The following TANGO6 variants were observed in gnomAD, a reference collection of about 807,000 sequenced individuals.
TANGO6 encodes transport and golgi organization 6 homolog.
A neutral mutation model predicts 114.2 loss-of-function variants in TANGO6; 90 were observed. That is an observed-to-expected ratio of 0.79 (90% CI 0.66 to 0.94). TANGO6 has a LOEUF of 0.94. Ranked by LOEUF, TANGO6 falls within the 40% of genes least tolerant of loss-of-function variation. TANGO6 has a pLI of 0.00. For missense variants in TANGO6, 1,274 were observed against 1,315.3 expected (o/e 0.97, Z 0.49); for synonymous variants, 477 against 509.8 (o/e 0.94, Z 0.87).
At chr16:69,044,453 T>C (rs1393036768) in intron 17 of TANGO6, among the ~76,000 whole-genome samples, 2 of 152,074 alleles carry the variant, frequency 1.3e-5, no homozygotes, top group Non-Finnish European at 2.9e-5. Flanking sequence ...GATGGGGAGT[T>C]CATGCTTAGA....
intron 15 of TANGO6, among the ~76,000 whole-genome samples, chr16:68,993,134 A>G (rs1318022323): frequency 1.3e-5 from 2 of 152,232 alleles, no homozygotes; most frequent in Admixed American, 1.3e-4. Flanking sequence ...AATAGATTCA[A>G]GTGGATATTG....
chr16:68,973,277 C>A, intron 14 of TANGO6: 1 of 392,376 alleles, frequency 2.5e-6, no homozygotes, highest in Non-Finnish European at 5.0e-6. Context: ...TACTTTTTTT[C>A]TTTTTCGTCA....
intron 6 of TANGO6, among the ~76,000 whole-genome samples, chr16:68,879,077 AAATAAT>A (rs752822689): frequency 6.6e-6 from 1 of 151,958 alleles, no homozygotes; most frequent in Non-Finnish European, 1.5e-5. Flanking sequence ...CCCTTGCTCA[AAATAAT>A]AATAATAATA....
intron 16 of TANGO6, among the ~76,000 whole-genome samples, chr16:69,027,661 T>A (rs1286990426): frequency 6.6e-6 from 1 of 152,202 alleles, no homozygotes; most frequent in Non-Finnish European, 1.5e-5. Flanking sequence ...GGTCAGATAC[T>A]GAAATGATTC....
At chr16:68,895,674 A>C (rs971811187) in intron 7 of TANGO6, among the ~76,000 whole-genome samples, 1 of 152,216 alleles carries the variant, frequency 6.6e-6, no homozygotes, top group Non-Finnish European at 1.5e-5. Context: ...GAACAGTTGA[A>C]GAGTAAATAT....
intron 17 of TANGO6, among the ~76,000 whole-genome samples, chr16:69,042,804 C>T (rs958289646): frequency 6.6e-6 from 1 of 152,192 alleles, no homozygotes; most frequent in African/African-American, 2.4e-5. Flanking sequence ...ATCTACAAAA[C>T]TCTTGGCAAA....
intron 17 of TANGO6, among the ~76,000 whole-genome samples, chr16:69,070,140 G>A (rs1315226835): frequency 2.0e-5 from 3 of 151,270 alleles, no homozygotes; most frequent in Admixed American, 6.6e-5. Context: ...CCCAGGAAGC[G>A]GAGGTTGCAG....
intron 17 of TANGO6, among the ~76,000 whole-genome samples, chr16:69,046,617 G>T (rs1399911663): frequency 1.3e-5 from 2 of 151,986 alleles, no homozygotes; most frequent in African/African-American, 2.4e-5. Context: ...ACCGCACCTG[G>T]CCAGAAAAGG....
intron 14 of TANGO6, among the ~76,000 whole-genome samples, chr16:68,951,193 C>T (rs1165628190): frequency 2.6e-5 from 4 of 151,664 alleles, no homozygotes; most frequent in African/African-American, 9.7e-5. Context: ...TGTGGTAGCG[C>T]ATGCCTATAG....
chr16:68,894,229 T>C (rs988057836), intron 7 of TANGO6, among the ~76,000 whole-genome samples: 3 of 152,172 alleles, frequency 2.0e-5, no homozygotes, highest in Admixed American at 1.3e-4. Context: ...ACTCCAAATA[T>C]AAGCCAATGA....
At chr16:68,918,436 A>G (rs950653861) in intron 11 of TANGO6, among the ~76,000 whole-genome samples, 1 of 152,154 alleles carries the variant, frequency 6.6e-6, no homozygotes, top group African/African-American at 2.4e-5. Flanking sequence ...TCATCACCAT[A>G]CCCAAGATCA....
chr16:68,981,928 C>G (rs968842489), intron 15 of TANGO6, among the ~76,000 whole-genome samples: 1 of 152,196 alleles, frequency 6.6e-6, no homozygotes, highest in Non-Finnish European at 1.5e-5. Context: ...GCATTTCTGT[C>G]CCAAGTGTTT....
intron 11 of TANGO6, among the ~76,000 whole-genome samples, chr16:68,909,824 A>C (rs1047371585): frequency 6.6e-6 from 1 of 152,164 alleles, no homozygotes; most frequent in African/African-American, 2.4e-5. Context: ...AAGGTGTATC[A>C]AAACTTGAAA....
chr16:68,980,435 A>ATATATATAT (rs1317961639), intron 15 of TANGO6, among the ~76,000 whole-genome samples: 12 of 61,780 alleles, frequency 1.9e-4, no homozygotes, highest in East Asian at 4.6e-4. Context: ...ATATATATAT[A>ATATATATAT]TTTTTTTTTT....
At chr16:68,901,749 A>G (rs536544223) in intron 8 of TANGO6, among the ~76,000 whole-genome samples, 1 of 152,140 alleles carries the variant, frequency 6.6e-6, no homozygotes, top group South Asian at 2.1e-4. Flanking sequence ...CAGCCTCACA[A>G]AATGCTGGGA....
chr16:69,005,712 C>T (rs1287216370), intron 15 of TANGO6, among the ~76,000 whole-genome samples: 2 of 150,956 alleles, frequency 1.3e-5, no homozygotes, highest in Non-Finnish European at 2.9e-5. Context: ...CACTTGAACC[C>T]GGGAAGCAGA....
intron 15 of TANGO6, among the ~76,000 whole-genome samples, chr16:68,981,815 C>T (rs944973519): frequency 2.0e-5 from 3 of 152,158 alleles, no homozygotes; most frequent in Non-Finnish European, 4.4e-5. Flanking sequence ...AAAGGAAATG[C>T]TCATTGGAGC....
chr16:69,007,324 C>T (rs1410278442), intron 15 of TANGO6, among the ~76,000 whole-genome samples: 3 of 140,674 alleles, frequency 2.1e-5, no homozygotes, highest in African/African-American at 5.4e-5. Flanking sequence ...GGCTGGAGTG[C>T]AGTGGCACGA....
chr16:68,851,669 A>G (rs747859056), intron 1 of TANGO6, among the ~76,000 whole-genome samples: 1 of 152,210 alleles, frequency 6.6e-6, no homozygotes, highest in Non-Finnish European at 1.5e-5. Flanking sequence ...CTGTGTATCT[A>G]TAGGATAGAT....
Sources: gnomAD v4.1 joint callset for allele counts (sites outside exome capture counted in the v4.1 genomes callset) on GRCh38, gnomAD v4.1.1 for gene constraint, MANE v1.5 for transcripts, NCBI Gene and HGNC (gene_info 2026-07-23, HGNC 2026-07-21) for gene names.